The following GLI3 variants were observed in gnomAD, a reference collection of about 807,000 sequenced individuals.
GLI3 encodes the protein GLI family zinc finger 3, also known as transcription activator GLI3.
A neutral mutation model predicts 100.8 loss-of-function variants in GLI3; 20 were observed. The ratio of observed to expected loss-of-function variants is 0.20; its 90% confidence interval spans 0.14 to 0.29. The LOEUF (loss-of-function observed/expected upper bound fraction) is 0.29. Ranked by LOEUF, GLI3 falls within the 10% of genes least tolerant of loss-of-function variation. GLI3 has a pLI of 1.00. For missense variants in GLI3, 2,040 were observed against 2,128.5 expected, an observed-to-expected ratio of 0.96 and a Z score of 0.82; for synonymous variants, 938 against 860.5, an observed-to-expected ratio of 1.09 and a Z score of -1.58.
chr7:42,157,950 G>A (rs1410904681), intron 2 of GLI3, among the ~76,000 whole-genome samples: 8 of 152,106 alleles, frequency 5.3e-5, no homozygotes, highest in Non-Finnish European at 1.2e-4. Context: ...ATTAGCCTAT[G>A]TAAAATTATG....
At chr7:42,149,190 G>C (rs1786795706) in intron 2 of GLI3, among the ~76,000 whole-genome samples, 1 of 152,208 alleles carries the variant, frequency 6.6e-6, no homozygotes. Flanking sequence ...CACAGAGTGA[G>C]ACTGAAAGTC....
intron 2 of GLI3, among the ~76,000 whole-genome samples, chr7:42,177,750 G>A (rs142724776): frequency 2.5e-4 from 38 of 152,332 alleles, no homozygotes; most frequent in Middle Eastern, 6.8e-3. Context: ...AGGTTTAATA[G>A]AGCGAAGCTG....
chr7:42,147,994 C>T (rs1330077087), intron 3 of GLI3, among the ~76,000 whole-genome samples: 1 of 152,106 alleles, frequency 6.6e-6, no homozygotes, highest in Non-Finnish European at 1.5e-5. Context: ...GGCCGCCCCA[C>T]TGAAGACTGA....
chr7:42,193,193 G>C (rs983845834), intron 2 of GLI3, among the ~76,000 whole-genome samples: 1 of 152,198 alleles, frequency 6.6e-6, no homozygotes, highest in Non-Finnish European at 1.5e-5. Context: ...CTTGAGACTT[G>C]ATAAATCAAA....
At chr7:42,225,884 G>C (rs1361532333) in intron 1 of GLI3, among the ~76,000 whole-genome samples, 2 of 152,142 alleles carry the variant, frequency 1.3e-5, no homozygotes, top group African/African-American at 4.8e-5. Flanking sequence ...TGCTCCATGA[G>C]GACAAGGCTT....
chr7:42,251,862 C>T (rs754473842), intron 1 of GLI3, among the ~76,000 whole-genome samples: 2 of 151,648 alleles, frequency 1.3e-5, no homozygotes, highest in Non-Finnish European at 2.9e-5. Context: ...GAGAATATGG[C>T]GTGTTCAGAA....
At chr7:42,186,635 C>T (rs1215489063) in intron 2 of GLI3, among the ~76,000 whole-genome samples, 1 of 152,200 alleles carries the variant, frequency 6.6e-6, no homozygotes, top group African/African-American at 2.4e-5. Flanking sequence ...CAGGGTCTTT[C>T]AGGCCTTAGT....
intron 2 of GLI3, among the ~76,000 whole-genome samples, chr7:42,173,829 C>T (rs1787425563): frequency 6.6e-6 from 1 of 152,210 alleles, no homozygotes; most frequent in Non-Finnish European, 1.5e-5. Flanking sequence ...AGAACAGAAG[C>T]AGAGCTGGTC....
chr7:42,108,932 C>A (rs1286325650), intron 3 of GLI3, among the ~76,000 whole-genome samples: 3 of 152,056 alleles, frequency 2.0e-5, no homozygotes, highest in African/African-American at 4.8e-5. Context: ...CTGAAACACC[C>A]TCCCACCCCT....
intron 1 of GLI3, among the ~76,000 whole-genome samples, chr7:42,235,845 A>G (rs566954560): frequency 6.6e-6 from 1 of 152,376 alleles, no homozygotes; most frequent in South Asian, 2.1e-4. Context: ...AAGAGCTGGG[A>G]GAAAATGTTT....
chr7:41,991,134 T>C (rs1192123210), intron 10 of GLI3, among the ~76,000 whole-genome samples: 2 of 152,208 alleles, frequency 1.3e-5, no homozygotes, highest in East Asian at 1.9e-4. Context: ...TTGGATCTTA[T>C]CCAAGGTTGG....
intron 4 of GLI3, among the ~76,000 whole-genome samples, chr7:42,069,702 G>C (rs560201106): frequency 6.6e-6 from 1 of 152,258 alleles, no homozygotes; most frequent in South Asian, 2.1e-4. Flanking sequence ...TTTAGACCAA[G>C]GTTGGCAAAC....
In GLI3 at chr7:41,964,995, G is replaced by A. The variant is rs1454968299; in HGVS notation, c.4078C>T (p.Pro1360Ser). ...ATSHINIYQG[P>S]ESCLPGAHGM... The stretch of plus-strand genomic sequence containing the variant: ...TGAGCCCCTGGCAGGCAGCTCTCTG[G>A]CCCTTGGTAGATGTTGATGTGTGAG... The change falls in exon 15 of 15, where the codon CCA becomes TCA. Residue 1360 changes from proline (P) to serine (S), a missense_variant. Pro to Ser is a moderately conservative substitution (Grantham distance 74). This residue lies in a region of GLI3 where 1,041 missense variants were observed against 924.0 expected (regional missense o/e 1.13). Coordinates refer to ENST00000395925, the MANE Select transcript of GLI3 (RefSeq NM_000168.6). The A allele has an allele frequency of 6.2e-7, 1 of 1,613,838 alleles. No homozygotes were observed. The highest frequency in any genetic ancestry group is 2.2e-5 in the East Asian group (1 of 44,862).
intron 4 of GLI3, among the ~76,000 whole-genome samples, chr7:42,063,394 G>A (rs1784610852): frequency 6.6e-6 from 1 of 152,040 alleles, no homozygotes; most frequent in Non-Finnish European, 1.5e-5. Flanking sequence ...AAAGATAATG[G>A]TTCCCTATCA....
intron 3 of GLI3, among the ~76,000 whole-genome samples, chr7:42,091,645 G>C (rs187906023): frequency 6.6e-6 from 1 of 152,284 alleles, no homozygotes; most frequent in East Asian, 1.9e-4. Context: ...ATTACTAACT[G>C]CAAGAATCCA....
chr7:42,243,918 C>G (rs1450687351), intron 1 of GLI3, among the ~76,000 whole-genome samples: 1 of 152,178 alleles, frequency 6.6e-6, no homozygotes. Flanking sequence ...ACTGAAACTT[C>G]CACCTCCCGG....
At chr7:41,990,549 G>C (rs1033835720) in intron 10 of GLI3, among the ~76,000 whole-genome samples, 4 of 152,180 alleles carry the variant, frequency 2.6e-5, no homozygotes, top group Admixed American at 6.5e-5. Flanking sequence ...TGGCCTTCAA[G>C]TTTAGAAATT....
chr7:42,203,174 T>C (rs756673601), intron 2 of GLI3, among the ~76,000 whole-genome samples: 1 of 152,258 alleles, frequency 6.6e-6, no homozygotes, highest in African/African-American at 2.4e-5. Context: ...TACACACACA[T>C]TGTGGAACAA....
At chr7:41,977,322 G>C (rs1253506934) in intron 12 of GLI3, among the ~76,000 whole-genome samples, 1 of 152,166 alleles carries the variant, frequency 6.6e-6, no homozygotes, top group Admixed American at 6.5e-5. Flanking sequence ...CATGAAACTA[G>C]TAAGTTCGCA....
Sources: gnomAD v4.1 joint callset for allele counts (sites outside exome capture counted in the v4.1 genomes callset) on GRCh38, gnomAD v4.1.1 for gene constraint, gnomAD v4.1.1 regional missense constraint, MANE v1.5 for transcripts, NCBI Gene and HGNC (gene_info 2026-07-23, HGNC 2026-07-21) for gene names.